Variants in COLEC10 observed in about 807,000 individuals in gnomAD.
COLEC10 encodes the protein collectin subfamily member 10.
COLEC10 carries 22 observed loss-of-function variants against 28.4 expected under a neutral mutation model. The observed-to-expected ratio is 0.78, with a 90% CI of 0.55 to 1.11. The LOEUF is 1.11. Among genes scored for constraint, COLEC10 ranks in the 50% least tolerant of loss-of-function variants. COLEC10 has a pLI of 0.00. For synonymous variants in COLEC10, 125 were observed against 116.1 expected (o/e 1.08, Z -0.49); for missense variants, 361 against 344.1 (o/e 1.05, Z -0.39).
At chr8:119,095,027 T>C (rs1426487355) in intron 3 of COLEC10, among the ~76,000 whole-genome samples, 1 of 152,148 alleles carries the variant, frequency 6.6e-6, no homozygotes, top group East Asian at 1.9e-4. Context: ...AAAATAAAAA[T>C]CATAATAATT....
chr8:118,973,728 G>A, the COLEC10 span, among the ~76,000 whole-genome samples: 6 of 152,100 alleles, frequency 3.9e-5, no homozygotes, highest in South Asian at 1.2e-3. Flanking sequence ...AGGAATCATT[G>A]AGAAGTTCCT....
At chr8:119,034,614 G>A (rs1257072838) in intron 2 of COLEC10, among the ~76,000 whole-genome samples, 1 of 152,134 alleles carries the variant, frequency 6.6e-6, no homozygotes, top group African/African-American at 2.4e-5. Flanking sequence ...GGAGGCTGAG[G>A]CAGAGAATTG....
At chr8:119,023,434 G>A (rs1814132824) in intron 2 of COLEC10, among the ~76,000 whole-genome samples, 1 of 152,052 alleles carries the variant, frequency 6.6e-6, no homozygotes, top group South Asian at 2.1e-4. Context: ...GCCTGGCATA[G>A]AATACTTTTA....
At chr8:119,020,928 A>G (rs1814078872) in intron 2 of COLEC10, among the ~76,000 whole-genome samples, 1 of 152,154 alleles carries the variant, frequency 6.6e-6, no homozygotes, top group Non-Finnish European at 1.5e-5. Context: ...GCTGTACAAT[A>G]TTCTAATGAT....
chr8:119,085,593 CTTCTTCTT>C (rs1815461326), intron 1 of COLEC10, among the ~76,000 whole-genome samples: 1 of 92,876 alleles, frequency 1.1e-5, no homozygotes, highest in African/African-American at 4.5e-5. Flanking sequence ...CTTCTTTCTT[CTTCTTCTT>C]TTTTTTTTTT....
At chr8:118,977,517 G>T in the COLEC10 span, among the ~76,000 whole-genome samples, 1 of 141,918 alleles carries the variant, frequency 7.0e-6, no homozygotes, top group Admixed American at 7.2e-5. Flanking sequence ...ACCAAACACC[G>T]CATATTCTCA....
chr8:119,001,708 A>AACAG (rs199953442), intron 1 of COLEC10, among the ~76,000 whole-genome samples: 4,358 of 151,868 alleles, frequency 0.029, 121 homozygotes, highest in East Asian at 0.16. Context: ...AAAACAGTAA[A>AACAG]ACAAACAAAC....
chr8:118,962,991 A>G, the COLEC10 span, among the ~76,000 whole-genome samples: 3,205 of 152,244 alleles, frequency 0.021, 106 homozygotes, highest in African/African-American at 0.072. Flanking sequence ...AGGGATTAAT[A>G]ATCTAGTTGG....
chr8:119,105,905 T>A lies in COLEC10; in HGVS notation c.548T>A (p.Leu183Gln). ...LTHCRIRGGM[L>Q]AMPKDEAANT... is the part of the protein sequence containing the mutation. ...CACTGCAGGATTCGGGGTGGAATGC[T>A]AGCCATGCCCAAGGATGAAGCTGCC... The change falls in exon 6 of 6, where the codon CTA (leucine) becomes CAA (glutamine). Residue 183 changes from leucine (L) to glutamine (Q), a missense_variant. Physicochemically the swap from Leu to Gln is moderately radical, Grantham distance 113. This residue lies in a region of COLEC10 where 335 missense variants were observed against 308.5 expected (regional missense o/e 1.09). Coordinates refer to ENST00000332843, the MANE Select transcript of COLEC10 (RefSeq NM_006438.5). 1 of 1,613,900 alleles carries A rather than the reference T, an allele frequency of 6.2e-7. No homozygotes were observed. Among genetic ancestry groups the A allele is most frequent in the Non-Finnish European group, 8.5e-7 (1 of 1,179,902 alleles).
chr8:118,992,120 C>T (rs1182505600), upstream of COLEC10, among the ~76,000 whole-genome samples: 2 of 152,086 alleles, frequency 1.3e-5, no homozygotes, highest in African/African-American at 4.8e-5. Context: ...ATACAGCCTA[C>T]ATCAATTAAT....
intron 2 of COLEC10, among the ~76,000 whole-genome samples, chr8:119,046,713 G>A (rs894104757): frequency 6.6e-6 from 1 of 152,066 alleles, no homozygotes; most frequent in South Asian, 2.1e-4. Flanking sequence ...AATAAGCCCT[G>A]GAATTCCAAA....
the COLEC10 span, among the ~76,000 whole-genome samples, chr8:118,963,070 C>A: frequency 6.6e-6 from 1 of 152,126 alleles, no homozygotes; most frequent in East Asian, 1.9e-4. Context: ...TGGAAGCATG[C>A]AGAGGGGGAA....
intron 1 of COLEC10, among the ~76,000 whole-genome samples, chr8:119,085,196 A>G (rs1815448053): frequency 6.6e-6 from 1 of 152,174 alleles, no homozygotes; most frequent in African/African-American, 2.4e-5. Flanking sequence ...GGCTGACTTG[A>G]AAGAATTCAG....
chr8:119,019,151 A>C (rs1814047355), intron 2 of COLEC10, among the ~76,000 whole-genome samples: 1 of 152,204 alleles, frequency 6.6e-6, no homozygotes, highest in Non-Finnish European at 1.5e-5. Context: ...TGTAAGTGTC[A>C]TAAACAGATG....
At chr8:119,013,965 G>C (rs566538474) in intron 2 of COLEC10, among the ~76,000 whole-genome samples, 1 of 150,652 alleles carries the variant, frequency 6.6e-6, no homozygotes, top group East Asian at 1.9e-4. Flanking sequence ...TAACAAAATA[G>C]TTCTAATTTC....
chr8:118,993,386 C>T (rs1424014762), upstream of COLEC10, among the ~76,000 whole-genome samples: 1 of 152,074 alleles, frequency 6.6e-6, no homozygotes, highest in Non-Finnish European at 1.5e-5. Flanking sequence ...CAGAGTTTCA[C>T]TCTTGTTGCC....
At chr8:119,000,534 T>C (rs1211348980) in intron 1 of COLEC10, among the ~76,000 whole-genome samples, 1 of 151,832 alleles carries the variant, frequency 6.6e-6, no homozygotes, top group Admixed American at 6.6e-5. Context: ...GGGAGAGAAG[T>C]AAAGTTAAGA....
chr8:119,016,276 G>C (rs1813990284), intron 2 of COLEC10, among the ~76,000 whole-genome samples: 1 of 152,092 alleles, frequency 6.6e-6, no homozygotes, highest in Admixed American at 6.5e-5. Context: ...AGAACATGCA[G>C]TGTTTGGTTT....
intron 2 of COLEC10, among the ~76,000 whole-genome samples, chr8:119,046,559 T>C (rs1434652786): frequency 2.0e-5 from 3 of 152,190 alleles, no homozygotes; most frequent in Admixed American, 2.0e-4. Flanking sequence ...TTTCAACAGA[T>C]GCTTTACCCA....
Sources: allele counts gnomAD v4.1 joint callset (sites outside exome capture counted in the v4.1 genomes callset), GRCh38; gene constraint gnomAD v4.1.1; regional missense constraint gnomAD v4.1.1; transcripts MANE v1.5; gene names NCBI Gene and HGNC (gene_info 2026-07-23, HGNC 2026-07-21).